The following COL1A2 variants were observed in gnomAD, a reference collection of about 807,000 sequenced individuals.
The protein encoded by COL1A2 is collagen alpha-2(I) chain.
In COL1A2, 49 loss-of-function variants were observed where a neutral mutation model predicts 174.3. The ratio of observed to expected loss-of-function variants is 0.28; its 90% CI spans 0.22 to 0.36. COL1A2 has a LOEUF of 0.36. Among genes scored for constraint, COL1A2 ranks in the 10% least tolerant of loss-of-function variants. COL1A2 has a pLI of 1.00. For synonymous variants in COL1A2, 655 were observed against 606.6 expected (o/e 1.08, Z -1.17); for missense variants, 1,438 against 1,822.7 (o/e 0.79, Z 3.84).
In COL1A2 at chr7:94,416,444, C is replaced by A. The variant is rs906800567; in HGVS notation, c.1804C>A (p.Pro602Thr). ...GPPGESGAAG[P>T]TGPIGSRGPS... ...CCCAGGTGAGAGTGGTGCTGCCGGT[C>A]CTACTGGTCCTATTGGAAGCCGAGG... Residue 602 changes from proline (P) to threonine (T), a missense_variant, in exon 31 of 52, where the codon CCT becomes ACT. Around this residue, in one of 3 missense-constraint regions of COL1A2, gnomAD observed 867 missense variants for 1,213.7 expected, o/e 0.71. Coordinates refer to ENST00000297268, the MANE Select transcript of COL1A2 (RefSeq NM_000089.4). The A allele has an allele frequency of 6.3e-7, 1 of 1,587,028 alleles. No homozygotes were observed. Among genetic ancestry groups the A allele is most frequent in the Non-Finnish European group, 8.6e-7 (1 of 1,165,856 alleles).
In COL1A2 at chr7:94,416,517, T is replaced by C. The variant is rs1229347725; in HGVS notation, c.1863+14T>C. ...GATGGAAACAAGGTAAAATCTTATG[T>C]TTTCTATATTGCTGGTTTGGCCCAG... On this transcript the variant is annotated intron_variant, in intron 31 of 51. Transcript: ENST00000297268. 2.6e-6 allele frequency: 4 copies of C among 1,548,252 alleles called. No homozygotes were observed. Among genetic ancestry groups the C allele is most frequent in the African/African-American group, 1.4e-5 (1 of 73,152 alleles).
At chr7:94,399,025 G>T in intron 3 of COL1A2, 24 bp from the exon 4 acceptor site, 1 of 1,611,396 alleles carries the variant, frequency 6.2e-7, no homozygotes. Context: ...ATTTATTATT[G>T]TCCTGTTTGT....
chr7:94,397,654 C>G, intron 1 of COL1A2, 94 bp from the exon 2 acceptor site: 1 of 727,394 alleles, frequency 1.4e-6, no homozygotes, highest in South Asian at 1.7e-5. Flanking sequence ...TAATTCAATT[C>G]TATAAACTTG....
chr7:94,414,490 C>G (rs902040323), intron 29 of COL1A2, among the ~76,000 whole-genome samples: 3 of 152,126 alleles, frequency 2.0e-5, no homozygotes, highest in East Asian at 3.8e-4. Flanking sequence ...GAAACATCAC[C>G]TTATGAAAGT....
chr7:94,426,937 T>C, intron 46 of COL1A2, 71 bp from the exon 47 acceptor site: 2 of 1,379,446 alleles, frequency 1.4e-6, no homozygotes, highest in East Asian at 2.5e-5. Context: ...CCATTCAATT[T>C]GGAAAAAAAA....
chr7:94,399,087 G>T lies in COL1A2; in HGVS notation c.132+3G>T. The T allele has an allele frequency of 1.2e-6, 2 of 1,613,602 alleles. No individual in the cohort carries two copies. The highest frequency in any genetic ancestry group is 8.5e-7 in the Non-Finnish European group (1 of 1,179,606). Reference sequence around the variant, plus strand: ...ATAGAGGACCACGTGGAGAAAGGGTGTGTAATTTTTGAACTATAAAGGGCT... The same window carrying T: ...ATAGAGGACCACGTGGAGAAAGGGTTTGTAATTTTTGAACTATAAAGGGCT... On this transcript the variant is annotated splice_donor_region_variant and intron_variant, in intron 4 of 51. Transcript: ENST00000297268.
chr7:94,426,956 T>A, intron 46 of COL1A2, 52 bp from the exon 47 acceptor site: 3 of 1,534,564 alleles, frequency 2.0e-6, no homozygotes, highest in Non-Finnish European at 2.7e-6. Context: ...AAAAAAAATA[T>A]GTCTCTTGAC....
chr7:94,426,528 G>A lies in COL1A2; in HGVS notation c.3103G>A (p.Ala1035Thr), dbSNP rs184616265. ...TGGATTGCAAGGTCTGCCTGGTATC[G>A]CTGTAAGTAAACTGTAGCCATCTCG... ...HNGLQGLPGI[A>T]GHHGDQGAPG... Residue 1035 changes from alanine to threonine, a missense_variant and splice_region_variant, in exon 46 of 52, where the codon GCT becomes ACT. Physicochemically the swap from Ala to Thr is moderately conservative, Grantham distance 58 (BLOSUM62 0). Transcript: ENST00000297268. 1.1e-5 allele frequency: 17 copies of A among 1,595,706 alleles called. No homozygotes were observed. The highest frequency in any genetic ancestry group is 2.3e-5 in the East Asian group (1 of 44,348).
intron 6 of COL1A2, 51 bp downstream of exon 6, chr7:94,401,671 A>G: frequency 2.2e-6 from 3 of 1,352,992 alleles, no homozygotes; most frequent in South Asian, 1.2e-5. Context: ...TAAATCATTC[A>G]TTTTATGTCA....
In COL1A2 at chr7:94,413,587, A is replaced by T. The variant is rs182631077; in HGVS notation, c.1558-103A>T. On this transcript the variant is annotated intron_variant, in intron 26 of 51. Coordinates refer to ENST00000297268, the MANE Select transcript of COL1A2 (RefSeq NM_000089.4). ...ACCCACAATGAGTTTAATTCATGCT[A>T]AAATGACAAACTTGTTTTAAGGAAG... is the stretch of plus-strand genomic sequence containing the variant. 3.2e-4 allele frequency: 375 copies of T among 1,164,116 alleles called. No individual in the cohort carries two copies. In the East Asian group the frequency reaches 8.0e-3, roughly 25 times the overall value. 72.1% of individuals were successfully genotyped at this position (1,164,116 alleles called of 1,614,324 possible).
chr7:94,427,135 C>T, intron 47 of COL1A2, 53 bp from the exon 48 acceptor site: 1 of 1,609,136 alleles, frequency 6.2e-7, no homozygotes. Flanking sequence ...CAGGCTGCTG[C>T]TCCCTTGGTG....
chr7:94,405,415 T>A (rs1279727494), intron 10 of COL1A2, among the ~76,000 whole-genome samples, 163 bp downstream of exon 10: 1 of 152,112 alleles, frequency 6.6e-6, no homozygotes, highest in African/African-American at 2.4e-5. Context: ...AAAATGCATA[T>A]ACATTTTATT....
intron 38 of COL1A2, chr7:94,421,377 G>A: frequency 2.3e-6 from 1 of 444,178 alleles, no homozygotes; most frequent in South Asian, 2.3e-5. Flanking sequence ...CTTCTCCTTT[G>A]CAGGCAATGC....
At position 94,430,433 on chromosome 7, in the gene COL1A2, A is replaced by T. The variant is rs1792376008; in HGVS notation, c.*40A>T. ...AATTAAAAAAGAAAGAAATTTGAAA[A>T]AACTTTCTCTTTGCCATTTCTTCTT... On this transcript the variant is annotated 3_prime_UTR_variant, in exon 52 of 52. Coordinates refer to ENST00000297268, the MANE Select transcript of COL1A2 (RefSeq NM_000089.4). 6.2e-7 allele frequency: 1 copy of T among 1,601,054 alleles called. No individual in the cohort carries two copies. Among genetic ancestry groups the T allele is most frequent in the Admixed American group, 1.7e-5 (1 of 59,430 alleles).
intron 40 of COL1A2, chr7:94,423,417 A>G (rs929473979): frequency 4.8e-6 from 2 of 417,526 alleles, no homozygotes; most frequent in Non-Finnish European, 8.9e-6. Flanking sequence ...TGCTGTGGCC[A>G]TCCTACTACA....
In COL1A2 at chr7:94,426,552, C is replaced by T. The variant is rs764697960; in HGVS notation, c.3105+22C>T. 6.4e-6 allele frequency: 10 copies of T among 1,554,396 alleles called. No homozygotes were observed. In the South Asian group the frequency reaches 8.2e-5, roughly 13 times the overall value. On this transcript the variant is annotated intron_variant, in intron 46 of 51. Coordinates refer to ENST00000297268, the MANE Select transcript of COL1A2 (RefSeq NM_000089.4). ...CGCTGTAAGTAAACTGTAGCCATCT[C>T]GCACATAAACTGATCCTGAAGGCCT...
intron 18 of COL1A2, 45 bp downstream of exon 18, chr7:94,409,653 G>C: frequency 6.2e-7 from 1 of 1,613,870 alleles, no homozygotes; most frequent in Non-Finnish European, 8.5e-7. Context: ...TGATTTTAAA[G>C]GCATTTAATG....
intron 34 of COL1A2, 115 bp from the exon 35 acceptor site, chr7:94,420,118 A>G (rs1032558482): frequency 7.6e-7 from 1 of 1,322,660 alleles, no homozygotes; most frequent in South Asian, 1.2e-5. Flanking sequence ...TGCGTCAGTT[A>G]TCTCTTCCAA....
chr7:94,404,167 T>C (rs1791747071), intron 6 of COL1A2, among the ~76,000 whole-genome samples: 1 of 152,222 alleles, frequency 6.6e-6, no homozygotes, highest in African/African-American at 2.4e-5. Context: ...AAATATGACA[T>C]AGGAAGATGA....
Sources: gnomAD v4.1 joint callset for allele counts (sites outside exome capture counted in the v4.1 genomes callset) on GRCh38, gnomAD v4.1.1 for gene constraint, gnomAD v4.1.1 regional missense constraint, MANE v1.5 for transcripts, NCBI Gene and HGNC (gene_info 2026-07-23, HGNC 2026-07-21) for gene names.